The following NUP210L variants were observed in gnomAD, a reference collection of about 807,000 sequenced individuals.
The protein encoded by NUP210L is nuclear pore membrane glycoprotein 210-like.
Under a neutral mutation model 208.5 loss-of-function variants are expected in NUP210L, and 74 were observed. The ratio of observed to expected loss-of-function variants is 0.35; its 90% CI spans 0.29 to 0.43. The LOEUF (loss-of-function observed/expected upper bound fraction) is 0.43, where lower values mean the gene tolerates loss of function less well. Among genes scored for constraint, NUP210L ranks in the 20% least tolerant of loss-of-function variants. The pLI is 1.00. For missense variants in NUP210L, 1,843 were observed against 2,289.4 expected, an observed-to-expected ratio of 0.81 and a Z score of 3.98; for synonymous variants, 780 against 816.9, an observed-to-expected ratio of 0.95 and a Z score of 0.77.
At chr1:154,127,286 A>G in intron 9 of NUP210L, 25 bp downstream of exon 9, 2 of 1,199,326 alleles carry the variant, frequency 1.7e-6, no homozygotes, top group Non-Finnish European at 2.5e-6. Context: ...CAAGGAGCTC[A>G]GAAAAATAAA....
At chr1:154,125,620 TGAAAGGAAGGAAGGAAGGAAGGAA>T (rs1657860335) in intron 10 of NUP210L, among the ~76,000 whole-genome samples, 2 of 64,244 alleles carry the variant, frequency 3.1e-5, no homozygotes, top group African/African-American at 6.9e-5. Flanking sequence ...AGGCCCTCTC[TGAAAGGAAGGAAGGAAGGAAGGAA>T]GGAAGGAAGG....
At chr1:154,150,129 C>T (rs549334284) in intron 2 of NUP210L, among the ~76,000 whole-genome samples, 1 of 152,242 alleles carries the variant, frequency 6.6e-6, no homozygotes, top group South Asian at 2.1e-4. Flanking sequence ...AATCCCAGCA[C>T]TTTGGGAGGC....
At chr1:154,151,532 G>C (rs1272490766) in intron 2 of NUP210L, among the ~76,000 whole-genome samples, 2 of 152,132 alleles carry the variant, frequency 1.3e-5, no homozygotes, top group African/African-American at 4.8e-5. Context: ...AGGTTAAAGG[G>C]AGTGGGGGAA....
intron 10 of NUP210L, among the ~76,000 whole-genome samples, chr1:154,123,921 T>C (rs75585647): frequency 6.8e-6 from 1 of 146,478 alleles, no homozygotes; most frequent in South Asian, 2.2e-4. Flanking sequence ...CGGTGGCTCA[T>C]GCCTGTAATC....
In NUP210L at chr1:154,054,214, C is replaced by A; in HGVS notation, c.3483+14G>T. The A allele has an allele frequency of 6.2e-7, 1 of 1,613,570 alleles. No individual in the cohort carries two copies. The highest frequency in any genetic ancestry group is 1.3e-5 in the African/African-American group (1 of 75,024). ...ATAGAAGAATAGAAGCAGAGCAGAG[C>A]AAATAACCAATACCTGAGAAAACAC... is the stretch of plus-strand genomic sequence containing the variant. On this transcript the variant is annotated intron_variant, in intron 25 of 39. Coordinates refer to ENST00000368559, the Ensembl canonical transcript of NUP210L.
At chr1:154,100,111 T>A (rs746037632) in exon 14 of NUP210L, 3 of 1,614,124 alleles carry the variant, frequency 1.9e-6, no homozygotes, top group Non-Finnish European at 2.5e-6. Context: ...ATATGTGTAC[T>A]GGAACAATGC....
At chr1:154,041,814 C>T (rs1652895335) in intron 27 of NUP210L, among the ~76,000 whole-genome samples, 1 of 152,190 alleles carries the variant, frequency 6.6e-6, no homozygotes, top group Admixed American at 6.6e-5. Flanking sequence ...CATTTCAGGT[C>T]CTGTGTTCCC....
At chr1:154,081,418 T>C (rs1655317228) in intron 16 of NUP210L, among the ~76,000 whole-genome samples, 1 of 152,162 alleles carries the variant, frequency 6.6e-6, no homozygotes, top group Non-Finnish European at 1.5e-5. Flanking sequence ...CCTAAACCTT[T>C]GGAATTTCTT....
chr1:154,034,955 C>A (rs555695501), intron 27 of NUP210L, among the ~76,000 whole-genome samples: 94 of 151,780 alleles, frequency 6.2e-4, no homozygotes, highest in African/African-American at 2.2e-3. Context: ...GATTCTCCTG[C>A]CTCAGCCTCC....
At chr1:154,089,308 A>G (rs1435906618) in intron 16 of NUP210L, 113 bp downstream of exon 16, 5 of 848,186 alleles carry the variant, frequency 5.9e-6, no homozygotes, top group Non-Finnish European at 9.4e-6. Context: ...TAGAATTACC[A>G]TATGATCTGG....
chr1:154,150,631 G>A (rs1659331940), intron 2 of NUP210L, among the ~76,000 whole-genome samples: 1 of 151,408 alleles, frequency 6.6e-6, no homozygotes, highest in Non-Finnish European at 1.5e-5. Flanking sequence ...AGGAGGCTGA[G>A]GCAGGAGAAT....
chr1:154,122,422 C>T (rs545555276), intron 10 of NUP210L, among the ~76,000 whole-genome samples: 11 of 151,690 alleles, frequency 7.3e-5, no homozygotes, highest in South Asian at 6.3e-4. Flanking sequence ...TTTGGGAGGC[C>T]GAGGCAGGCA....
intron 13 of NUP210L, among the ~76,000 whole-genome samples, chr1:154,102,784 G>T (rs577203548): frequency 6.6e-6 from 1 of 152,216 alleles, no homozygotes; most frequent in Admixed American, 6.5e-5. Context: ...ATTAGAAAGA[G>T]ATATTTTATC....
At chr1:154,120,630 T>TAAAAAAAAAAAAAA (rs553188982) in intron 10 of NUP210L, among the ~76,000 whole-genome samples, 2 of 117,890 alleles carry the variant, frequency 1.7e-5, no homozygotes, top group Non-Finnish European at 3.7e-5. Context: ...GTATAATAAT[T>TAAAAAAAAAAAAAA]AAAAAAAAAA....
chr1:154,136,513 A>G (rs1658554807), intron 6 of NUP210L, among the ~76,000 whole-genome samples: 1 of 151,954 alleles, frequency 6.6e-6, no homozygotes, highest in East Asian at 1.9e-4. Context: ...GAGAGAAAGA[A>G]AGAATTGGTT....
chr1:154,135,655 T>C lies in NUP210L; in HGVS notation c.1009+159A>G, dbSNP rs147958139. 8.8e-3 allele frequency among the ~76,000 whole-genome samples: 1,342 copies of C among 151,996 alleles called. 20 individuals carry two copies. Among genetic ancestry groups the C allele is most frequent in the African/African-American group, 0.031 (1,302 of 41,468 alleles). On this transcript the variant is annotated intron_variant, in intron 7 of 39. Transcript: ENST00000368559. ...CCAGGATGGTCTCGATCTCCTGACC[T>C]TGTGATCAGCCCGCCTCGGCCTCCC...
chr1:154,146,682 T>C (rs1421519216), intron 2 of NUP210L, among the ~76,000 whole-genome samples: 11 of 132,608 alleles, frequency 8.3e-5, no homozygotes, highest in Admixed American at 9.5e-5. Context: ...CTAAAATCAG[T>C]GGGTAAAGCT....
chr1:154,044,636 G>T (rs1208186056), intron 27 of NUP210L, among the ~76,000 whole-genome samples: 2 of 151,636 alleles, frequency 1.3e-5, no homozygotes, highest in African/African-American at 4.8e-5. Flanking sequence ...TTTTTAGCTG[G>T]CTGCCGAAAT....
intron 1 of NUP210L, among the ~76,000 whole-genome samples, chr1:154,153,356 C>G (rs774131159): frequency 1.6e-4 from 25 of 152,158 alleles, no homozygotes; most frequent in Non-Finnish European, 2.8e-4. Context: ...GTTGCCCAAG[C>G]TGAAGTGCAG....
Sources: gnomAD v4.1 joint callset for allele counts (sites outside exome capture counted in the v4.1 genomes callset) on GRCh38, gnomAD v4.1.1 for gene constraint, MANE v1.5 for transcripts, NCBI Gene and HGNC (gene_info 2026-07-23, HGNC 2026-07-21) for gene names.